The following KSR2 variants were observed in gnomAD, a reference collection of about 807,000 sequenced individuals.
The protein encoded by KSR2 is kinase suppressor of ras 2.
Under a neutral mutation model 107.8 loss-of-function variants are expected in KSR2, and 25 were observed. The ratio of observed to expected loss-of-function variants is 0.23; its 90% confidence interval spans 0.17 to 0.32. The LOEUF (loss-of-function observed/expected upper bound fraction) is 0.32, where lower values mean the gene tolerates loss of function less well. Ranked by LOEUF, KSR2 falls within the 10% of genes least tolerant of loss-of-function variation. KSR2 has a pLI of 1.00. For missense variants in KSR2, 887 were observed against 1,268.9 expected (o/e 0.70, Z 4.57); for synonymous variants, 480 against 507.0 (o/e 0.95, Z 0.71).
intron 1 of KSR2, among the ~76,000 whole-genome samples, chr12:117,880,733 T>C (rs1278509902): frequency 8.2e-5 from 10 of 122,308 alleles, no homozygotes; most frequent in African/African-American, 3.1e-4. Flanking sequence ...TTTTTTTTTT[T>C]TTCTGAGACG....
chr12:117,879,841 T>C (rs1362824684), intron 1 of KSR2, among the ~76,000 whole-genome samples: 1 of 152,252 alleles, frequency 6.6e-6, no homozygotes, highest in East Asian at 1.9e-4. Context: ...TTATACCTGA[T>C]TGCTGGATTT....
intron 3 of KSR2, among the ~76,000 whole-genome samples, chr12:117,769,419 T>C (rs1340870106): frequency 6.6e-6 from 1 of 152,156 alleles, no homozygotes; most frequent in Non-Finnish European, 1.5e-5. Context: ...CCTCTGCATA[T>C]GGAAGACTTG....
chr12:117,932,482 A>G (rs1000779498), intron 1 of KSR2, among the ~76,000 whole-genome samples: 8 of 152,112 alleles, frequency 5.3e-5, no homozygotes, highest in African/African-American at 2.4e-5. Context: ...TTGGGAGGCT[A>G]AGGTGGGAAG....
In KSR2 at chr12:117,863,322, C is replaced by T. The variant is rs7964629; in HGVS notation, c.181-2891G>A. ...TGGTGTCATGGAAGACAAGAGCTGC[C>T]TGGACCATCGTCCCTGCTGCCATCT... On this transcript the variant is annotated intron_variant, in intron 1 of 19. Transcript: ENST00000339824. 3.2e-3 allele frequency among the ~76,000 whole-genome samples: 493 copies of T among 152,304 alleles called. 2 individuals are homozygous for T. The highest frequency in any genetic ancestry group is 6.8e-3 in the Middle Eastern group (2 of 294).
At position 117,458,244 on chromosome 12, in the gene KSR2, T is replaced by C. The variant is rs141506594; in HGVS notation, c.*8955A>G. ...TGTGTGAGGACACAAAGACCTCTCT[T>C]CTACCTTGTTCATCCTGTCGCCCAC... On this transcript the variant is annotated 3_prime_UTR_variant, in exon 20 of 20. Coordinates refer to ENST00000339824, the MANE Select transcript of KSR2 (RefSeq NM_173598.6). 416 of 152,308 alleles carry C rather than the reference T, an allele frequency of 2.7e-3. 3 individuals are homozygous for C. Among genetic ancestry groups the C allele is most frequent in the African/African-American group, 9.6e-3 (397 of 41,564 alleles). The allele number at this position is 152,308 out of a possible 1,614,324, so 9.4% of individuals were successfully genotyped here.
intron 5 of KSR2, among the ~76,000 whole-genome samples, chr12:117,621,680 T>G (rs1430761909): frequency 6.6e-6 from 1 of 152,154 alleles, no homozygotes; most frequent in Non-Finnish European, 1.5e-5. Flanking sequence ...CATTTTCTTG[T>G]TCAGGTAATA....
At chr12:117,566,623 A>G (rs546979970) in intron 7 of KSR2, among the ~76,000 whole-genome samples, 2 of 152,278 alleles carry the variant, frequency 1.3e-5, no homozygotes, top group African/African-American at 2.4e-5. Context: ...AGTCAAGAAG[A>G]CTGGGGTCCA....
At chr12:117,519,023 G>A (rs1377565517) in intron 14 of KSR2, among the ~76,000 whole-genome samples, 1 of 152,200 alleles carries the variant, frequency 6.6e-6, no homozygotes, top group African/African-American at 2.4e-5. Flanking sequence ...TGTCTCTTCT[G>A]GAATGCAAAG....
In KSR2 at chr12:117,539,902, C is replaced by G. The variant is rs1876355421; in HGVS notation, c.1519-15G>C. 2 of 1,594,218 alleles carry G rather than the reference C, an allele frequency of 1.3e-6. No individual in the cohort carries two copies. Among genetic ancestry groups the G allele is most frequent in the Non-Finnish European group, 1.7e-6 (2 of 1,172,640 alleles). On this transcript the variant is annotated splice_polypyrimidine_tract_variant and intron_variant, in intron 9 of 19. Coordinates refer to ENST00000339824, the MANE Select transcript of KSR2 (RefSeq NM_173598.6). ...GGGATGTGGTCCTGCAGAGAGAAAA[C>G]AGGGTAGGAGTCAGGGACAGGCAGG...
At chr12:117,501,220 T>C (rs1873356403) in intron 14 of KSR2, among the ~76,000 whole-genome samples, 1 of 152,260 alleles carries the variant, frequency 6.6e-6, no homozygotes, top group African/African-American at 2.4e-5. Flanking sequence ...CCATACTTTT[T>C]GTCTGCAAAT....
intron 1 of KSR2, among the ~76,000 whole-genome samples, chr12:117,862,395 G>A (rs971535576): frequency 2.6e-5 from 4 of 152,260 alleles, no homozygotes; most frequent in East Asian, 3.9e-4. Flanking sequence ...GCCAGGTGCC[G>A]TGGCTCACAC....
At position 117,467,217 on chromosome 12, in the gene KSR2, A is replaced by C. The variant is rs1474180333; in HGVS notation, c.2847-12T>G. On this transcript the variant is annotated splice_polypyrimidine_tract_variant and intron_variant, in intron 19 of 19. Transcript: ENST00000339824. ...CCAAAGGTCACAGCCTGGAGTGGGG[A>C]GAGAAGGGAGAGAGTGGTGAGAGGT... 1.4e-6 allele frequency: 1 copy of C among 731,266 alleles called. No homozygotes were observed. The highest frequency in any genetic ancestry group is 2.5e-6 in the Non-Finnish European group (1 of 397,098). The allele number at this position is 731,266 out of a possible 1,614,324, so 45.3% of individuals were successfully genotyped here.
chr12:117,605,187 G>A (rs998439715), intron 5 of KSR2, among the ~76,000 whole-genome samples: 2 of 152,134 alleles, frequency 1.3e-5, no homozygotes, highest in Non-Finnish European at 2.9e-5. Context: ...GTCTGTGGAT[G>A]GACAGATATG....
chr12:117,667,841 C>T (rs901873562), intron 4 of KSR2, among the ~76,000 whole-genome samples, 183 bp from the exon 5 acceptor site: 3 of 152,174 alleles, frequency 2.0e-5, no homozygotes, highest in African/African-American at 4.8e-5. Flanking sequence ...CCCTCTCACC[C>T]CTAGGTCCCT....
intron 14 of KSR2, 79 bp from the exon 15 acceptor site, chr12:117,485,770 A>G: frequency 5.2e-6 from 5 of 966,614 alleles, no homozygotes; most frequent in South Asian, 1.3e-5. Flanking sequence ...ACAAGTGACA[A>G]ATGATGGCAT....
chr12:117,818,315 T>A (rs949151727), intron 3 of KSR2, among the ~76,000 whole-genome samples: 6 of 151,990 alleles, frequency 3.9e-5, no homozygotes, highest in Non-Finnish European at 7.4e-5. Context: ...GCAGAGACAG[T>A]ATGTGCTCAG....
At chr12:117,711,314 G>C (rs1017498282) in intron 4 of KSR2, among the ~76,000 whole-genome samples, 1 of 152,252 alleles carries the variant, frequency 6.6e-6, no homozygotes, top group Admixed American at 6.5e-5. Context: ...AGAAGGATCA[G>C]AAGGAGTCAG....
chr12:117,477,782 C>T (rs1385471372), intron 16 of KSR2, among the ~76,000 whole-genome samples: 3 of 152,234 alleles, frequency 2.0e-5, no homozygotes, highest in Admixed American at 2.0e-4. Flanking sequence ...GTATATACAA[C>T]CAACTCCTTG....
intron 1 of KSR2, among the ~76,000 whole-genome samples, chr12:117,945,531 G>A (rs1037931918): frequency 8.5e-5 from 13 of 152,066 alleles, no homozygotes; most frequent in African/African-American, 3.1e-4. Context: ...TTAGCCGGAC[G>A]TGGTGGCGGG....
Sources: gnomAD v4.1 joint callset for allele counts (sites outside exome capture counted in the v4.1 genomes callset) on GRCh38, gnomAD v4.1.1 for gene constraint, MANE v1.5 for transcripts, NCBI Gene and HGNC (gene_info 2026-07-23, HGNC 2026-07-21) for gene names.